Variants in TMPRSS9 observed in about 807,000 individuals in gnomAD.
TMPRSS9 encodes the protein transmembrane serine protease 9.
A neutral mutation model predicts 111.4 loss-of-function variants in TMPRSS9; 113 were observed. That is an observed-to-expected ratio of 1.01 (90% CI 0.87 to 1.19). The LOEUF is 1.19. Among genes scored for constraint, TMPRSS9 ranks in the 50% most tolerant of loss-of-function variants. The pLI is 0.00. For synonymous variants in TMPRSS9, 805 were observed against 659.1 expected (o/e 1.22, Z -3.39); for missense variants, 1,803 against 1,513.1 (o/e 1.19, Z -3.18).
intron 1 of TMPRSS9, among the ~76,000 whole-genome samples, chr19:2,360,659 C>T (rs922502138): frequency 1.6e-4 from 23 of 142,408 alleles, no homozygotes; most frequent in Non-Finnish European, 2.8e-4. Context: ...GACGCAGGTG[C>T]GGCGTGTAGA....
At chr19:2,407,781 C>A (rs1348966618) in intron 7 of TMPRSS9, among the ~76,000 whole-genome samples, 1 of 149,596 alleles carries the variant, frequency 6.7e-6, no homozygotes, top group African/African-American at 2.5e-5. Flanking sequence ...CCACACCCCG[C>A]TAATATATAT....
intron 15 of TMPRSS9, 151 bp downstream of exon 16, chr19:2,424,408 C>A: frequency 4.7e-6 from 4 of 842,840 alleles, no homozygotes; most frequent in Non-Finnish European, 4.8e-6. Flanking sequence ...CCTCCCACCC[C>A]CCATCTCCCC....
At chr19:2,425,896 C>T (rs1568196072) in intron 17 of TMPRSS9, 31 bp from the exon 19 acceptor site, 19 of 1,561,274 alleles carry the variant, frequency 1.2e-5, no homozygotes, top group East Asian at 2.3e-5. Flanking sequence ...AGGTACCGGC[C>T]TCTGAACCCC....
chr19:2,401,433 C>T (rs573414217), intron 4 of TMPRSS9, among the ~76,000 whole-genome samples: 2 of 152,046 alleles, frequency 1.3e-5, no homozygotes, highest in Admixed American at 6.6e-5. Flanking sequence ...GTTTGGTGGC[C>T]GTCCGAGCCC....
chr19:2,383,526 A>G (rs535939130), intron 1 of TMPRSS9, among the ~76,000 whole-genome samples: 16 of 150,662 alleles, frequency 1.1e-4, no homozygotes, highest in South Asian at 4.2e-4. Flanking sequence ...TCTTAGAGGC[A>G]GGGTCTCCCT....
rs762761358 is a variant in TMPRSS9, at chr19:2,368,774, G to GTTTTTTT, written c.-26+8435_-26+8441dup. On this transcript the variant is annotated intron_variant, in intron 1 of 17. Coordinates refer to the TMPRSS9 transcript ENST00000649857. ...TGCCAGGGCATCAAGGATAAACCCAGTTTTTTTTTTTTTTTTTTTTTTTTT... is the reference window on the plus strand; with the variant it reads ...TGCCAGGGCATCAAGGATAAACCCAGTTTTTTTTTTTTTTTTTTTTTTTTTTTTTTTT... Among the ~76,000 whole-genome samples the GTTTTTTT allele has an allele frequency of 3.5e-3, 249 of 70,330 alleles. 38 individuals carry two copies. The highest frequency in any genetic ancestry group is 0.012 in the Middle Eastern group (1 of 84). The allele number at this position is 70,330 out of a possible 152,430, so 46.1% of individuals were successfully genotyped here.
At chr19:2,399,315 G>A in intron 4 of TMPRSS9, 122 bp downstream of exon 5, 3 of 1,317,920 alleles carry the variant, frequency 2.3e-6, no homozygotes, top group Non-Finnish European at 3.0e-6. Flanking sequence ...CGGGTGTGGT[G>A]GCTCATGCCT....
At chr19:2,393,617 G>A (rs1393008865) in intron 1 of TMPRSS9, among the ~76,000 whole-genome samples, 3 of 152,068 alleles carry the variant, frequency 2.0e-5, no homozygotes, top group African/African-American at 7.2e-5. Context: ...CAATTAGCCA[G>A]GGCCAGGCAT....
chr19:2,407,484 GC>G (rs1015628017), intron 7 of TMPRSS9, among the ~76,000 whole-genome samples: 2 of 151,650 alleles, frequency 1.3e-5, no homozygotes, highest in Non-Finnish European at 2.9e-5. Context: ...CTGAGATCAC[GC>G]CACTGCACTC....
intron 9 of TMPRSS9, 60 bp from the exon 11 acceptor site, chr19:2,413,640 G>C (rs1278692232): frequency 4.5e-6 from 7 of 1,539,074 alleles, no homozygotes; most frequent in Non-Finnish European, 6.2e-6. Context: ...GGGCCTCGTA[G>C]CACTGGTGTC....
intron 1 of TMPRSS9, among the ~76,000 whole-genome samples, chr19:2,395,430 C>T (rs925365513): frequency 2.0e-5 from 3 of 151,454 alleles, no homozygotes; most frequent in Non-Finnish European, 4.4e-5. Context: ...GAGACCCTAT[C>T]TCAAAACAAA....
rs10650164 is a variant in TMPRSS9, at chr19:2,391,237, CA to C, written c.142+1332del. Among the ~76,000 whole-genome samples the C allele has an allele frequency of 2.3e-4, 12 of 53,018 alleles. No individual in the cohort carries two copies. The South Asian group carries it at 2.4e-3, about 11-fold the overall frequency. The allele number at this position is 53,018 out of a possible 152,430, so 34.8% of individuals were successfully genotyped here. A position where few individuals can be genotyped will look rare whatever the true frequency, so the allele number is the denominator to read the frequency against. On this transcript the variant is annotated intron_variant, in intron 1 of 17. Transcript: ENST00000648592. ...CCTGGGCAACAGAGCAATTCCATCT[CA>C]AAAAAAAAAAAAAAAAAAAAAGTTA...
At chr19:2,389,709 A>G, upstream of TMPRSS9, 1 of 1,511,832 alleles carries the variant, frequency 6.6e-7, no homozygotes, top group Non-Finnish European at 8.9e-7. Flanking sequence ...ATGGGAAGAG[A>G]AGCACCTTCA....
chr19:2,421,946 T>C (rs1971472057), exon 14 of TMPRSS9: 4 of 1,613,062 alleles, frequency 2.5e-6, no homozygotes, highest in Non-Finnish European at 3.4e-6. Flanking sequence ...GCGCTCAGGT[T>C]AAGAAGCCGG....
intron 7 of TMPRSS9, among the ~76,000 whole-genome samples, chr19:2,408,122 T>C (rs1388944801): frequency 2.0e-5 from 3 of 151,996 alleles, no homozygotes; most frequent in Non-Finnish European, 4.4e-5. Flanking sequence ...TTTCGCTATG[T>C]TGCCCAGGCT....
intron 1 of TMPRSS9, among the ~76,000 whole-genome samples, chr19:2,368,512 G>A (rs76256354): frequency 0.014 from 2,174 of 152,220 alleles, 51 homozygotes; most frequent in African/African-American, 0.05. Context: ...AGGACAGTTA[G>A]ACCCGGTCGC....
intron 1 of TMPRSS9, among the ~76,000 whole-genome samples, chr19:2,374,248 C>CTTTTTTTTTTTTT (rs1027376774): frequency 1.4e-5 from 1 of 70,398 alleles, no homozygotes; most frequent in Non-Finnish European, 2.7e-5. Context: ...TCTCAACAAT[C>CTTTTTTTTTTTTT]TTTTTTTTTT....
intron 17 of TMPRSS9, 93 bp downstream of exon 18, chr19:2,425,586 C>T (rs1971602598): frequency 4.3e-6 from 6 of 1,390,928 alleles, no homozygotes; most frequent in Non-Finnish European, 5.6e-6. Flanking sequence ...CCGGGAGCCA[C>T]CCTCCGGTGC....
intron 1 of TMPRSS9, among the ~76,000 whole-genome samples, chr19:2,395,936 A>G (rs890509626): frequency 4.6e-5 from 7 of 152,152 alleles, no homozygotes; most frequent in Non-Finnish European, 8.8e-5. Context: ...TGAACCCGGG[A>G]GGCGCAGCTT....
Sources: gnomAD v4.1 joint callset for allele counts (sites outside exome capture counted in the v4.1 genomes callset) on GRCh38, gnomAD v4.1.1 for gene constraint, MANE v1.5 for transcripts, NCBI Gene and HGNC (gene_info 2026-07-23, HGNC 2026-07-21) for gene names.